Variants in CDH13 observed in about 807,000 individuals in gnomAD.
CDH13 encodes cadherin 13, also known as cadherin-13.
In CDH13, 24 loss-of-function variants were observed where a neutral mutation model predicts 63.8. That is an observed-to-expected ratio of 0.38 (90% CI 0.27 to 0.53). The LOEUF (loss-of-function observed/expected upper bound fraction) is 0.53, where lower values mean the gene tolerates loss of function less well. Ranked by LOEUF, CDH13 falls within the 20% of genes least tolerant of loss-of-function variation. The probability of loss-of-function intolerance (pLI) is 0.85; values close to 1 mark genes in which losing one functional copy is unlikely to be tolerated. For synonymous variants in CDH13, 503 were observed against 355.3 expected (o/e 1.42, Z -4.67); for missense variants, 1,049 against 903.1 (o/e 1.16, Z -2.07).
At chr16:82,767,980 T>G in intron 1 of CDH13, among the ~76,000 whole-genome samples, 1 of 150,582 alleles carries the variant, frequency 6.6e-6, no homozygotes, top group Admixed American at 6.6e-5. Flanking sequence ...GAGTGAGGAG[T>G]GATGGGGAAA....
At chr16:83,510,422 G>T (rs2074529904) in intron 7 of CDH13, among the ~76,000 whole-genome samples, 1 of 152,152 alleles carries the variant, frequency 6.6e-6, no homozygotes. Flanking sequence ...GAGATAGGTG[G>T]ACTACGTCTA....
intron 6 of CDH13, among the ~76,000 whole-genome samples, chr16:83,428,720 C>T (rs555244717): frequency 6.6e-6 from 1 of 152,172 alleles, no homozygotes; most frequent in African/African-American, 2.4e-5. Flanking sequence ...GTTTGCGATT[C>T]TCTTCTTGCC....
chr16:83,551,428 C>T (rs1163873775), intron 7 of CDH13, among the ~76,000 whole-genome samples: 1 of 152,180 alleles, frequency 6.6e-6, no homozygotes, highest in African/African-American at 2.4e-5. Flanking sequence ...TCAAAGTCAA[C>T]AAGTGTTATT....
At chr16:83,766,677 T>TGAAAGTTTGTGA (rs1914410284) in intron 11 of CDH13, among the ~76,000 whole-genome samples, 1 of 152,082 alleles carries the variant, frequency 6.6e-6, no homozygotes, top group South Asian at 2.1e-4. Flanking sequence ...AAAGTTTGTG[T>TGAAAGTTTGTGA]TGAGATCCTA....
At chr16:83,532,511 C>A (rs184701527) in intron 7 of CDH13, among the ~76,000 whole-genome samples, 3 of 152,204 alleles carry the variant, frequency 2.0e-5, no homozygotes, top group Non-Finnish European at 2.9e-5. Flanking sequence ...AAGCCACATG[C>A]GGGCTCTTTG....
chr16:83,441,819 A>G (rs538918502), intron 6 of CDH13, among the ~76,000 whole-genome samples: 4 of 152,164 alleles, frequency 2.6e-5, no homozygotes, highest in Admixed American at 6.5e-5. Context: ...CTCTACTCCA[A>G]AAGGAAATGT....
At chr16:83,330,208 C>T (rs904628944) in intron 5 of CDH13, among the ~76,000 whole-genome samples, 5 of 152,118 alleles carry the variant, frequency 3.3e-5, no homozygotes, top group Admixed American at 6.5e-5. Flanking sequence ...CACATGTAAA[C>T]ACACACACAC....
chr16:82,956,380 G>A (rs1466503623), intron 2 of CDH13, among the ~76,000 whole-genome samples: 1 of 151,648 alleles, frequency 6.6e-6, no homozygotes, highest in Non-Finnish European at 1.5e-5. Flanking sequence ...GCTCCAAATG[G>A]CAGCTGAAGG....
At chr16:83,304,857 C>A (rs184756849) in intron 5 of CDH13, among the ~76,000 whole-genome samples, 29 of 152,254 alleles carry the variant, frequency 1.9e-4, no homozygotes, top group Admixed American at 1.9e-3. Context: ...CCCCACCTTT[C>A]CTCTCTCTGT....
chr16:82,894,698 A>G (rs958435599), intron 2 of CDH13, among the ~76,000 whole-genome samples: 4 of 8,858 alleles, frequency 4.5e-4, no homozygotes, highest in Middle Eastern at 0.05. Flanking sequence ...ACATCCCAGA[A>G]AAAAATAAAA....
chr16:83,648,348 A>T (rs13337331), intron 8 of CDH13, among the ~76,000 whole-genome samples: 40,336 of 152,050 alleles, frequency 0.27, 5,408 homozygotes, highest in South Asian at 0.35. Flanking sequence ...GGTCACTTTG[A>T]TTCAACGCAA....
chr16:82,812,493 G>C (rs924156865), intron 1 of CDH13, among the ~76,000 whole-genome samples: 5 of 152,118 alleles, frequency 3.3e-5, no homozygotes, highest in African/African-American at 1.2e-4. Context: ...AGGTGAGGTG[G>C]TGGAGGTGCA....
At chr16:83,014,068 A>G (rs1445354921) in intron 2 of CDH13, among the ~76,000 whole-genome samples, 1 of 151,764 alleles carries the variant, frequency 6.6e-6, no homozygotes, top group Admixed American at 6.6e-5. Flanking sequence ...ACAGTCTGAT[A>G]AGGAAAAAAG....
chr16:83,280,087 T>G (rs1444246141), intron 5 of CDH13, among the ~76,000 whole-genome samples: 1 of 152,104 alleles, frequency 6.6e-6, no homozygotes, highest in African/African-American at 2.4e-5. Context: ...ACTGCAGCAG[T>G]TTTTTAAAAT....
At position 83,404,732 on chromosome 16, in the gene CDH13, T is replaced by G. The variant is rs1979618; in HGVS notation, c.781+59726T>G. On this transcript the variant is annotated intron_variant, in intron 6 of 13. Transcript: ENST00000567109. ...AACAGCCACTGTGTCTTCCCAGAAA[T>G]TGTGTTAAGAAACAAACATGTATAT... Among the ~76,000 whole-genome samples, 12 of 152,344 alleles carry G rather than the reference T, an allele frequency of 7.9e-5. No individual in the cohort carries two copies. In the East Asian group the frequency reaches 2.1e-3, roughly 27 times the overall value.
Position 83,678,432 on chromosome 16 carries a change from C to T in CDH13, c.1509C>T (p.Asp503=). The change falls in exon 10 of 14, where the codon GAC becomes GAT. Residue 503 remains aspartate, a synonymous_variant. Transcript: ENST00000567109. ...TGCTGCTGACAGTGAATGCCACGGA[C>T]CCCGACTCCCTGCAGCATCAAACCA... The part of the protein sequence containing the change: ...GSVLLTVNAT[D]PDSLQHQTIR... 1.2e-6 allele frequency: 2 copies of T among 1,613,968 alleles called. No homozygotes were observed. Among genetic ancestry groups the T allele is most frequent in the Non-Finnish European group, 1.7e-6 (2 of 1,179,878 alleles).
At chr16:83,606,250 A>G (rs572014529) in intron 8 of CDH13, among the ~76,000 whole-genome samples, 3 of 152,328 alleles carry the variant, frequency 2.0e-5, no homozygotes, top group African/African-American at 4.8e-5. Flanking sequence ...TTCGAAGTTG[A>G]TAAGAATACA....
chr16:83,035,796 G>C (rs558442731), intron 3 of CDH13, among the ~76,000 whole-genome samples: 1 of 152,052 alleles, frequency 6.6e-6, no homozygotes, highest in Non-Finnish European at 1.5e-5. Context: ...TGATTTTTTC[G>C]TCTGTAACAT....
At chr16:82,936,387 T>A (rs11860770) in intron 2 of CDH13, among the ~76,000 whole-genome samples, 53,583 of 151,960 alleles carry the variant, frequency 0.35, 12,270 homozygotes, top group African/African-American at 0.66. Context: ...ATGCCAGGGA[T>A]CTAGATTGTG....
Sources: allele counts gnomAD v4.1 joint callset (sites outside exome capture counted in the v4.1 genomes callset), GRCh38; gene constraint gnomAD v4.1.1; transcripts MANE v1.5; gene names NCBI Gene and HGNC (gene_info 2026-07-23, HGNC 2026-07-21).